Variants in SCHIP1 observed in about 807,000 individuals in gnomAD.
The protein encoded by SCHIP1 is schwannomin interacting protein 1.
A neutral mutation model predicts 29.7 loss-of-function variants in SCHIP1; 8 were observed. That is an observed-to-expected ratio of 0.27 (90% CI 0.16 to 0.49). The LOEUF is 0.49. SCHIP1 is among the 20% of genes least tolerant of loss of function. SCHIP1 has a pLI of 0.99. For synonymous variants in SCHIP1, 76 were observed against 94.9 expected (o/e 0.80, Z 1.16); for missense variants, 193 against 294.6 (o/e 0.66, Z 2.52).
At chr3:159,508,910 A>C in the SCHIP1 span, among the ~76,000 whole-genome samples, 1 of 152,200 alleles carries the variant, frequency 6.6e-6, no homozygotes, top group Non-Finnish European at 1.5e-5. Context: ...TTTTGGAATA[A>C]GTGCAGTGTG....
At chr3:159,448,760 A>G in the SCHIP1 span, among the ~76,000 whole-genome samples, 1 of 152,182 alleles carries the variant, frequency 6.6e-6, no homozygotes, top group African/African-American at 2.4e-5. Flanking sequence ...GCTGTCTACC[A>G]TCTATCATCT....
the SCHIP1 span, among the ~76,000 whole-genome samples, chr3:159,339,581 T>A: frequency 6.6e-6 from 1 of 152,168 alleles, no homozygotes; most frequent in South Asian, 2.1e-4. Flanking sequence ...CAGCTTCAGT[T>A]AAGAAAAAAG....
chr3:159,376,105 A>G, the SCHIP1 span, among the ~76,000 whole-genome samples: 24 of 152,286 alleles, frequency 1.6e-4, no homozygotes, highest in African/African-American at 5.5e-4. Flanking sequence ...ATGCTTAGAA[A>G]GGTGATGAAA....
the SCHIP1 span, among the ~76,000 whole-genome samples, chr3:159,430,376 C>T: frequency 3.9e-5 from 6 of 152,098 alleles, no homozygotes; most frequent in Non-Finnish European, 7.4e-5. Flanking sequence ...ATACAACCTA[C>T]CTTTTTAAAA....
At chr3:159,821,371 G>C in the SCHIP1 span, among the ~76,000 whole-genome samples, 1 of 152,192 alleles carries the variant, frequency 6.6e-6, no homozygotes, top group Non-Finnish European at 1.5e-5. Flanking sequence ...AGTGCCGAGG[G>C]CGCTCTTGAG....
At chr3:159,609,137 GAAGAC>G in the SCHIP1 span, among the ~76,000 whole-genome samples, 30 of 152,286 alleles carry the variant, frequency 2.0e-4, 1 homozygote, top group East Asian at 3.5e-3. Flanking sequence ...AATTTCAAGA[GAAGAC>G]AAGTGCAGTG....
chr3:159,621,965 C>T, the SCHIP1 span, among the ~76,000 whole-genome samples: 9 of 152,084 alleles, frequency 5.9e-5, no homozygotes, highest in Admixed American at 5.2e-4. Context: ...TGTGCTCAGC[C>T]CTGCATGTAT....
At chr3:159,600,454 C>G in the SCHIP1 span, among the ~76,000 whole-genome samples, 1 of 152,296 alleles carries the variant, frequency 6.6e-6, no homozygotes, top group Admixed American at 6.5e-5. Flanking sequence ...GAGATTCTTT[C>G]TTCTACATGG....
chr3:159,840,321 C>A lies in SCHIP1; in HGVS notation c.30+107C>A, dbSNP rs577377288. 20 of 958,504 alleles carry A rather than the reference C, an allele frequency of 2.1e-5. No individual in the cohort carries two copies. The South Asian group carries it at 2.1e-4, about 10-fold the overall frequency. The allele number at this position is 958,504 out of a possible 1,614,324, so 59.4% of individuals were successfully genotyped here. On this transcript the variant is annotated intron_variant, in intron 1 of 6. Transcript: ENST00000445224. ...TCCGGATATTCAGGGATTTTGCCATCTTCCGCGCCTGGCCTTCATCACGTG... is the reference window on the plus strand; with the variant it reads ...TCCGGATATTCAGGGATTTTGCCATATTCCGCGCCTGGCCTTCATCACGTG...
the SCHIP1 span, among the ~76,000 whole-genome samples, chr3:159,450,277 A>G: frequency 6.6e-6 from 1 of 152,240 alleles, no homozygotes; most frequent in Non-Finnish European, 1.5e-5. Flanking sequence ...GCTATGAGGC[A>G]TATAAAATGA....
chr3:159,280,345 T>C, the SCHIP1 span, among the ~76,000 whole-genome samples: 2 of 152,324 alleles, frequency 1.3e-5, no homozygotes, highest in Non-Finnish European at 2.9e-5. Context: ...TAGTAATCTC[T>C]ATGAATCTTT....
chr3:159,714,473 G>A, the SCHIP1 span, among the ~76,000 whole-genome samples: 18 of 152,342 alleles, frequency 1.2e-4, no homozygotes, highest in African/African-American at 4.1e-4. Context: ...AGCGCAAGAA[G>A]TCGGGGAATT....
the SCHIP1 span, among the ~76,000 whole-genome samples, chr3:159,284,602 C>T: frequency 6.6e-6 from 1 of 152,182 alleles, no homozygotes; most frequent in Non-Finnish European, 1.5e-5. Context: ...GATTCTCCTG[C>T]CTCAGCCTTC....
At chr3:159,332,187 T>A in the SCHIP1 span, among the ~76,000 whole-genome samples, 1 of 152,216 alleles carries the variant, frequency 6.6e-6, no homozygotes, top group Non-Finnish European at 1.5e-5. Flanking sequence ...TAATGTCAAA[T>A]TTTTAGCACC....
the SCHIP1 span, among the ~76,000 whole-genome samples, chr3:159,618,091 A>G: frequency 3.6e-4 from 55 of 152,072 alleles, no homozygotes; most frequent in African/African-American, 1.3e-3. Flanking sequence ...TATGCATCCT[A>G]TCTTATCTTC....
At chr3:159,868,414 A>G (rs1714894723) in intron 2 of SCHIP1, among the ~76,000 whole-genome samples, 2 of 152,064 alleles carry the variant, frequency 1.3e-5, no homozygotes, top group African/African-American at 4.8e-5. Context: ...CCTCCCAAAG[A>G]CTGTCATCTC....
At chr3:159,327,019 A>G in the SCHIP1 span, among the ~76,000 whole-genome samples, 12 of 152,254 alleles carry the variant, frequency 7.9e-5, no homozygotes, top group Non-Finnish European at 1.3e-4. Context: ...TAAAGAATCT[A>G]AAGGATAGCC....
At chr3:159,626,562 T>C in the SCHIP1 span, among the ~76,000 whole-genome samples, 1 of 152,124 alleles carries the variant, frequency 6.6e-6, no homozygotes, top group African/African-American at 2.4e-5. Flanking sequence ...TTATATTATA[T>C]AATGTGATAG....
chr3:159,674,515 G>A, the SCHIP1 span, among the ~76,000 whole-genome samples: 1 of 145,822 alleles, frequency 6.9e-6, no homozygotes, highest in Non-Finnish European at 1.5e-5. Flanking sequence ...ATCAAGGTTA[G>A]ACATGTGGCA....
Sources: gnomAD v4.1 joint callset for allele counts (sites outside exome capture counted in the v4.1 genomes callset) on GRCh38, gnomAD v4.1.1 for gene constraint, MANE v1.5 for transcripts, NCBI Gene and HGNC (gene_info 2026-07-23, HGNC 2026-07-21) for gene names.